Variants in SLC16A10 observed in about 807,000 individuals in gnomAD.
SLC16A10 encodes solute carrier family 16 member 10, also known as monocarboxylate transporter 10.
In SLC16A10, 27 loss-of-function variants were observed where a neutral mutation model predicts 40.0. That is an observed-to-expected ratio of 0.67 (90% CI 0.50 to 0.93). The LOEUF (loss-of-function observed/expected upper bound fraction) is 0.93, where lower values mean the gene tolerates loss of function less well. Ranked by LOEUF, SLC16A10 falls within the 40% of genes least tolerant of loss-of-function variation. The pLI is 0.00. For synonymous variants in SLC16A10, 213 were observed against 249.8 expected, an observed-to-expected ratio of 0.85 and a Z score of 1.39; for missense variants, 529 against 658.2, an observed-to-expected ratio of 0.80 and a Z score of 2.15.
At chr6:111,154,855 C>T (rs1057393986) in intron 1 of SLC16A10, among the ~76,000 whole-genome samples, 48 of 151,864 alleles carry the variant, frequency 3.2e-4, no homozygotes, top group African/African-American at 1.1e-3. Context: ...GAAACCCTGT[C>T]TTTACTAAAA....
At position 111,231,019 on chromosome 6, in the gene SLC16A10, AT is replaced by A. The variant is rs1562441971; in HGVS notation, c.*8785del. ...TATTTTAGTACTTTTTAAAAAATGT[AT>A]GCTTCTTTTTGAAGACTATAATTTA... On this transcript the variant is annotated 3_prime_UTR_variant, in exon 6 of 6. Coordinates refer to ENST00000368851, the MANE Select transcript of SLC16A10 (RefSeq NM_018593.5). 6.6e-6 allele frequency: 1 copy of A among 152,188 alleles called. No homozygotes were observed. The highest frequency in any genetic ancestry group is 1.9e-4 in the East Asian group (1 of 5,198). The allele number at this position is 152,188 out of a possible 1,614,324, so 9.4% of individuals were successfully genotyped here. A position where few individuals can be genotyped will look rare whatever the true frequency, so the allele number is the denominator to read the frequency against.
chr6:111,209,196 C>G (rs897094622), intron 4 of SLC16A10, among the ~76,000 whole-genome samples: 2 of 152,038 alleles, frequency 1.3e-5, no homozygotes, highest in African/African-American at 4.8e-5. Context: ...CAGAGTGACA[C>G]CATGTCTCTA....
chr6:111,196,439 G>A (rs542032216), intron 3 of SLC16A10, among the ~76,000 whole-genome samples: 1 of 152,268 alleles, frequency 6.6e-6, no homozygotes, highest in East Asian at 1.9e-4. Context: ...AGCTGTGATC[G>A]TGCCACTGCA....
At chr6:111,117,351 CAAAAAAA>C (rs35235587) in intron 1 of SLC16A10, among the ~76,000 whole-genome samples, 2 of 73,430 alleles carry the variant, frequency 2.7e-5, no homozygotes, top group Non-Finnish European at 5.1e-5. Context: ...GACTCCGTCT[CAAAAAAA>C]AAAAAAAAAA....
At chr6:111,119,766 C>T (rs567617999) in intron 1 of SLC16A10, among the ~76,000 whole-genome samples, 5 of 152,264 alleles carry the variant, frequency 3.3e-5, no homozygotes, top group South Asian at 4.1e-4. Context: ...GATTAGTGTC[C>T]TTACAAGAAG....
chr6:111,100,043 T>C (rs1771146791), intron 1 of SLC16A10, among the ~76,000 whole-genome samples: 1 of 150,892 alleles, frequency 6.6e-6, no homozygotes, highest in Non-Finnish European at 1.5e-5. Context: ...AAAAAAAGGT[T>C]ATTTTTTTTC....
In SLC16A10 at chr6:111,222,233, TAATATC is replaced by T; in HGVS notation, c.1547_*4del. 1 of 1,600,026 alleles carries T rather than the reference TAATATC, an allele frequency of 6.2e-7. No individual in the cohort carries two copies. The highest frequency in any genetic ancestry group is 8.5e-7 in the Non-Finnish European group (1 of 1,176,424). ...CAAGAAAGAATCTGACTCTATTATT[TAATATC>T]TTACATACCTCCACCAGACTGGACT... On this transcript the variant is annotated stop_lost and 3_prime_UTR_variant, in exon 6 of 6. Transcript: ENST00000368851.
chr6:111,122,576 C>T (rs1771602661), intron 1 of SLC16A10, among the ~76,000 whole-genome samples: 1 of 152,158 alleles, frequency 6.6e-6, no homozygotes, highest in African/African-American at 2.4e-5. Context: ...AGACCTAGCA[C>T]CTGCTTTAGG....
intron 3 of SLC16A10, chr6:111,193,185 C>T (rs17679851): frequency 0.13 from 63,129 of 479,836 alleles, 4,840 homozygotes; most frequent in Non-Finnish European, 0.15. Flanking sequence ...ATTAAGACAC[C>T]TTCTCTCCTT....
Position 111,172,775 on chromosome 6 carries a change from C to A in SLC16A10, c.424C>A (p.Arg142=). The A allele has an allele frequency of 6.2e-7, 1 of 1,614,066 alleles. No homozygotes were observed. The highest frequency in any genetic ancestry group is 8.5e-7 in the Non-Finnish European group (1 of 1,179,994). ...VSVFTDLFGC[R]KTAVVGAAVG... ...CGTCTTCACAGACCTATTTGGTTGT[C>A]GGAAAACAGCTGTCGTGGGTGCTGC... Residue 142 remains arginine (R), a synonymous_variant, in exon 2 of 6, where the codon CGG becomes AGG. Transcript: ENST00000368851.
intron 1 of SLC16A10, among the ~76,000 whole-genome samples, chr6:111,145,661 C>T (rs1358144817): frequency 1.3e-5 from 2 of 151,934 alleles, no homozygotes; most frequent in Non-Finnish European, 2.9e-5. Flanking sequence ...CCAGCCTGGG[C>T]AACATATTGA....
rs1163950119 is a variant in SLC16A10, at chr6:111,177,506, A to G, written c.783A>G (p.Lys261=). 12 of 1,614,042 alleles carry G rather than the reference A, an allele frequency of 7.4e-6. No individual in the cohort carries two copies. In the South Asian group the frequency reaches 1.2e-4, roughly 16 times the overall value. Residue 261 remains lysine, a synonymous_variant, in exon 3 of 6, where the codon AAA becomes AAG. Coordinates refer to ENST00000368851, the MANE Select transcript of SLC16A10 (RefSeq NM_018593.5). ...YRPLATSTKD[K]ESGGSGSSLF... ...CTCTTGCTACCAGTACCAAAGATAA[A>G]GAGAGTGGAGGTAGCGGATCCTCCC...
chr6:111,091,084 G>A (rs1432794855), intron 1 of SLC16A10: 3 of 152,178 alleles, frequency 2.0e-5, no homozygotes, highest in African/African-American at 7.2e-5. Flanking sequence ...GATAGACTTT[G>A]TTAATATCTT....
At chr6:111,192,313 A>G (rs956164016) in intron 3 of SLC16A10, among the ~76,000 whole-genome samples, 1 of 152,176 alleles carries the variant, frequency 6.6e-6, no homozygotes, top group African/African-American at 2.4e-5. Context: ...CTCTTTGTAT[A>G]GCAAGTGTGA....
chr6:111,179,585 TC>T (rs1381905674), intron 3 of SLC16A10, among the ~76,000 whole-genome samples: 5 of 152,228 alleles, frequency 3.3e-5, no homozygotes, highest in African/African-American at 1.2e-4. Flanking sequence ...GCATGTTATT[TC>T]TTCAGGTAAA....
intron 1 of SLC16A10, among the ~76,000 whole-genome samples, chr6:111,118,927 A>G (rs1043799358): frequency 3.3e-5 from 5 of 152,194 alleles, no homozygotes; most frequent in African/African-American, 1.2e-4. Flanking sequence ...AAGAACAGTC[A>G]AAGTAGGAAC....
intron 1 of SLC16A10, among the ~76,000 whole-genome samples, chr6:111,115,734 A>G (rs1480877200): frequency 1.3e-5 from 2 of 152,210 alleles, no homozygotes; most frequent in Non-Finnish European, 2.9e-5. Flanking sequence ...CAGTAGTATC[A>G]TGCCTAGAGA....
At chr6:111,112,443 T>A (rs1348458832) in intron 1 of SLC16A10, among the ~76,000 whole-genome samples, 1 of 152,240 alleles carries the variant, frequency 6.6e-6, no homozygotes, top group Non-Finnish European at 1.5e-5. Flanking sequence ...TTAATATCTG[T>A]CTTTCCTAGT....
At position 111,224,244 on chromosome 6, in the gene SLC16A10, A is replaced by T. The variant is rs1259864101; in HGVS notation, c.*2009A>T. The T allele has an allele frequency of 6.6e-6, 1 of 152,250 alleles. No individual in the cohort carries two copies. Among genetic ancestry groups the T allele is most frequent in the African/African-American group, 2.4e-5 (1 of 41,464 alleles). 9.4% of individuals were successfully genotyped at this position (152,250 alleles called of 1,614,324 possible). A position where few individuals can be genotyped will look rare whatever the true frequency, so the allele number is the denominator to read the frequency against. ...AGCAGAACCCTGTCTGTAAAAGAAAATCAAAAACAAAAAATAAATGTTAAA... is the reference window on the plus strand; with the variant it reads ...AGCAGAACCCTGTCTGTAAAAGAAATTCAAAAACAAAAAATAAATGTTAAA... On this transcript the variant is annotated 3_prime_UTR_variant, in exon 6 of 6. Coordinates refer to ENST00000368851, the MANE Select transcript of SLC16A10 (RefSeq NM_018593.5).
Sources: gnomAD v4.1 joint callset for allele counts (sites outside exome capture counted in the v4.1 genomes callset) on GRCh38, gnomAD v4.1.1 for gene constraint, MANE v1.5 for transcripts, NCBI Gene and HGNC (gene_info 2026-07-23, HGNC 2026-07-21) for gene names.